The following DPYD variants were observed in gnomAD, a reference collection of about 807,000 sequenced individuals.
DPYD encodes dihydropyrimidine dehydrogenase [NADP(+)].
DPYD carries 109 observed loss-of-function variants against 116.2 expected under a neutral mutation model. The ratio of observed to expected loss-of-function variants is 0.94; its 90% CI spans 0.80 to 1.10. DPYD has a LOEUF of 1.10. DPYD is among the 50% of genes least tolerant of loss of function. DPYD has a pLI of 0.00. For synonymous variants in DPYD, 440 were observed against 432.0 expected (o/e 1.02, Z -0.23); for missense variants, 1,302 against 1,254.5 (o/e 1.04, Z -0.57).
chr1:97,519,630 A>C (rs1648491344), intron 12 of DPYD, among the ~76,000 whole-genome samples: 1 of 152,194 alleles, frequency 6.6e-6, no homozygotes, highest in Non-Finnish European at 1.5e-5. Flanking sequence ...CAAAGAGACT[A>C]TCTACTTTAA....
intron 1 of DPYD, among the ~76,000 whole-genome samples, chr1:97,907,111 G>A (rs1168245605): frequency 1.3e-5 from 2 of 152,050 alleles, no homozygotes; most frequent in Non-Finnish European, 2.9e-5. Flanking sequence ...TGGGCAGGAA[G>A]GAGCGGAACA....
intron 14 of DPYD, among the ~76,000 whole-genome samples, chr1:97,400,298 C>T (rs899053776): frequency 6.6e-6 from 1 of 152,162 alleles, no homozygotes; most frequent in Non-Finnish European, 1.5e-5. Context: ...AGGGATGAAG[C>T]TCACTTGATC....
chr1:97,699,334 A>G lies in DPYD; in HGVS notation c.680+17T>C. ...TCATTTCTGACACTATAAACATGAAATAAATGTAGGCATTACCTTAAACCA... is the reference window on the plus strand; with the variant it reads ...TCATTTCTGACACTATAAACATGAAGTAAATGTAGGCATTACCTTAAACCA... On this transcript the variant is annotated intron_variant, in intron 6 of 22. Coordinates refer to ENST00000370192, the MANE Select transcript of DPYD (RefSeq NM_000110.4). 1 of 1,609,174 alleles carries G rather than the reference A, an allele frequency of 6.2e-7. No homozygotes were observed. The highest frequency in any genetic ancestry group is 8.5e-7 in the Non-Finnish European group (1 of 1,175,654).
chr1:97,359,503 A>C (rs1012587183), intron 16 of DPYD, among the ~76,000 whole-genome samples: 10 of 152,174 alleles, frequency 6.6e-5, no homozygotes, highest in Admixed American at 1.3e-4. Context: ...AAGACACATA[A>C]TTGTCAGATT....
chr1:97,190,575 C>T (rs1230529122), intron 20 of DPYD, among the ~76,000 whole-genome samples: 2 of 152,156 alleles, frequency 1.3e-5, no homozygotes, highest in Non-Finnish European at 2.9e-5. Context: ...GCTCTTCTTG[C>T]AGGCACAGAT....
intron 18 of DPYD, among the ~76,000 whole-genome samples, chr1:97,291,774 A>C (rs1666193651): frequency 6.6e-6 from 1 of 152,200 alleles, no homozygotes; most frequent in African/African-American, 2.4e-5. Flanking sequence ...CCAGCATGGC[A>C]CATGTATACA....
At position 97,193,054 on chromosome 1, in the gene DPYD, G is replaced by A. The variant is rs758334320; in HGVS notation, c.2622+15C>T. ...CTGAGTTCTCAAGAATAACACAGGA[G>A]ATTTAAGCACATACCTTGTCCATGA... On this transcript the variant is annotated intron_variant, in intron 20 of 22. Transcript: ENST00000370192. 2 of 1,613,622 alleles carry A rather than the reference G, an allele frequency of 1.2e-6. No individual in the cohort carries two copies. The highest frequency in any genetic ancestry group is 3.3e-5 in the Admixed American group (2 of 60,008).
intron 20 of DPYD, among the ~76,000 whole-genome samples, chr1:97,137,165 G>C (rs1002602571): frequency 6.6e-6 from 1 of 152,142 alleles, no homozygotes; most frequent in Non-Finnish European, 1.5e-5. Context: ...CAGGCCTTCC[G>C]GGAATGCTAA....
Position 97,386,307 on chromosome 1 carries a change from C to A in DPYD, c.1906-3846G>T, listed in dbSNP as rs534682217. Reference sequence around the variant, plus strand: ...ACTTTTTTTTTTTTCTCCTTGGTCACTAAACTGGAATGAAGTTTATTCAGA... The same window carrying A: ...ACTTTTTTTTTTTTCTCCTTGGTCAATAAACTGGAATGAAGTTTATTCAGA... On this transcript the variant is annotated intron_variant, in intron 14 of 22. Transcript: ENST00000370192. 1.3e-3 allele frequency among the ~76,000 whole-genome samples: 191 copies of A among 150,896 alleles called. 1 individual carries two copies. Among genetic ancestry groups the A allele is most frequent in the South Asian group, 0.01 (48 of 4,800 alleles).
At chr1:97,407,105 C>T (rs1341701770) in intron 14 of DPYD, among the ~76,000 whole-genome samples, 1 of 152,030 alleles carries the variant, frequency 6.6e-6, no homozygotes, top group East Asian at 1.9e-4. Context: ...ATTTAATAAA[C>T]TACCTTTCTA....
At chr1:97,734,234 C>T (rs1663796289) in intron 4 of DPYD, among the ~76,000 whole-genome samples, 1 of 151,860 alleles carries the variant, frequency 6.6e-6, no homozygotes, top group Admixed American at 6.6e-5. Context: ...AGGAGATAAC[C>T]TATGAAAGAT....
chr1:97,726,195 A>G (rs1663247841), intron 4 of DPYD, among the ~76,000 whole-genome samples: 1 of 151,626 alleles, frequency 6.6e-6, no homozygotes, highest in Non-Finnish European at 1.5e-5. Flanking sequence ...GTTAACATGT[A>G]CATTCATAGG....
chr1:97,144,534 A>C lies in DPYD; in HGVS notation c.2623-45902T>G, dbSNP rs182274827. Among the ~76,000 whole-genome samples the C allele has an allele frequency of 2.0e-3, 311 of 152,300 alleles. 1 individual carries two copies. Among genetic ancestry groups the C allele is most frequent in the Non-Finnish European group, 3.6e-3 (248 of 68,022 alleles). On this transcript the variant is annotated intron_variant, in intron 20 of 22. Transcript: ENST00000370192. ...ACTTTGCTAAATTTTTTCCCCAAAG[A>C]CCATCTTTATTACCCTGTAACTTTC...
At chr1:97,253,334 G>A (rs1198420435) in intron 18 of DPYD, among the ~76,000 whole-genome samples, 5 of 152,184 alleles carry the variant, frequency 3.3e-5, no homozygotes, top group East Asian at 1.9e-4. Flanking sequence ...ATTCTTTCTG[G>A]AGCATTTTTA....
intron 7 of DPYD, among the ~76,000 whole-genome samples, chr1:97,680,056 G>A (rs549617311): frequency 4.6e-5 from 7 of 152,270 alleles, no homozygotes; most frequent in African/African-American, 1.7e-4. Flanking sequence ...AAAAAATGGA[G>A]CCTGACTGAA....
At chr1:97,733,400 A>C (rs1256403947) in intron 4 of DPYD, among the ~76,000 whole-genome samples, 1 of 152,072 alleles carries the variant, frequency 6.6e-6, no homozygotes, top group Non-Finnish European at 1.5e-5. Flanking sequence ...CAAATGAAGA[A>C]ACTAAATTAC....
chr1:97,747,701 T>C (rs1057331159), intron 3 of DPYD, among the ~76,000 whole-genome samples: 2 of 152,208 alleles, frequency 1.3e-5, no homozygotes, highest in Admixed American at 6.5e-5. Context: ...TATACTAATA[T>C]TAAGTGCTCA....
intron 13 of DPYD, 26 bp from the exon 14 acceptor site, chr1:97,450,249 T>C: frequency 6.2e-7 from 1 of 1,612,142 alleles, no homozygotes; most frequent in Non-Finnish European, 8.5e-7. Flanking sequence ...AGATATTGAG[T>C]CTCCTTTTGA....
chr1:97,085,009 C>G (rs952194335), intron 21 of DPYD, among the ~76,000 whole-genome samples: 2 of 152,040 alleles, frequency 1.3e-5, no homozygotes, highest in Non-Finnish European at 2.9e-5. Flanking sequence ...TTTTACTGAA[C>G]ATTTTTATTG....
Sources: allele counts gnomAD v4.1 joint callset (sites outside exome capture counted in the v4.1 genomes callset), GRCh38; gene constraint gnomAD v4.1.1; transcripts MANE v1.5; gene names NCBI Gene and HGNC (gene_info 2026-07-23, HGNC 2026-07-21).